The following PDE4D variants were observed in gnomAD, a reference collection of about 807,000 sequenced individuals.
The protein encoded by PDE4D is 3',5'-cyclic-AMP phosphodiesterase 4D.
A neutral mutation model predicts 87.4 loss-of-function variants in PDE4D; 24 were observed. The ratio of observed to expected loss-of-function variants is 0.27; its 90% confidence interval spans 0.20 to 0.39. PDE4D has a LOEUF of 0.39. Among genes scored for constraint, PDE4D ranks in the 10% least tolerant of loss-of-function variants. The pLI, the probability that PDE4D is intolerant of heterozygous loss-of-function variation, is 1.00. For synonymous variants in PDE4D, 384 were observed against 383.2 expected (o/e 1.00, Z -0.02); for missense variants, 714 against 1,041.0 (o/e 0.69, Z 4.32).
chr5:60,393,827 T>C (rs769172911), intron 1 of PDE4D, among the ~76,000 whole-genome samples: 1 of 152,206 alleles, frequency 6.6e-6, no homozygotes, highest in Non-Finnish European at 1.5e-5. Context: ...TTTGCCAACA[T>C]ACAATAGATT....
At chr5:60,381,755 T>C (rs1218450468) in intron 1 of PDE4D, among the ~76,000 whole-genome samples, 1 of 152,128 alleles carries the variant, frequency 6.6e-6, no homozygotes, top group African/African-American at 2.4e-5. Context: ...GAACATCCAA[T>C]GGGCAATAGA....
intron 5 of PDE4D, among the ~76,000 whole-genome samples, chr5:59,086,874 C>G (rs770613034): frequency 6.6e-6 from 1 of 152,042 alleles, no homozygotes; most frequent in Admixed American, 6.6e-5. Context: ...AGTTCAAGCC[C>G]TCTTTGTTTC....
At chr5:59,409,147 CAAA>C (rs34575207) in intron 1 of PDE4D, among the ~76,000 whole-genome samples, 2 of 116,536 alleles carry the variant, frequency 1.7e-5, no homozygotes, top group Non-Finnish European at 3.7e-5. Context: ...GACTCCATTT[CAAA>C]AAAAAAAAAA....
chr5:59,008,705 T>C (rs1752159476), intron 6 of PDE4D, among the ~76,000 whole-genome samples: 1 of 151,964 alleles, frequency 6.6e-6, no homozygotes, highest in Non-Finnish European at 1.5e-5. Context: ...CACAAAAGCA[T>C]GAAGCATAAA....
intron 1 of PDE4D, among the ~76,000 whole-genome samples, chr5:59,837,560 A>G (rs1742324794): frequency 6.6e-6 from 1 of 152,022 alleles, no homozygotes; most frequent in African/African-American, 2.4e-5. Flanking sequence ...GCCCAGAAAC[A>G]TTTTCTAAAA....
At chr5:60,324,311 T>G (rs1236143308) in intron 1 of PDE4D, among the ~76,000 whole-genome samples, 1 of 152,230 alleles carries the variant, frequency 6.6e-6, no homozygotes, top group Non-Finnish European at 1.5e-5. Context: ...ACACTGCACC[T>G]AACATCTGTC....
chr5:59,639,962 C>T (rs549551640), intron 1 of PDE4D, among the ~76,000 whole-genome samples: 81 of 150,764 alleles, frequency 5.4e-4, no homozygotes, highest in Admixed American at 5.3e-4. Context: ...CATTAATGCC[C>T]CAACCTTAAA....
chr5:59,847,541 A>T (rs904121101), intron 1 of PDE4D, among the ~76,000 whole-genome samples: 2 of 152,090 alleles, frequency 1.3e-5, no homozygotes, highest in African/African-American at 4.8e-5. Flanking sequence ...TACCAGTCAA[A>T]TTCTTCACGA....
chr5:60,060,407 A>G (rs1281225137), intron 2 of PDE4D, among the ~76,000 whole-genome samples: 1 of 152,084 alleles, frequency 6.6e-6, no homozygotes, highest in Admixed American at 6.6e-5. Context: ...AAGCAACTCC[A>G]TCTTCATTGT....
chr5:60,510,995 A>G (rs1394135450), intron 1 of PDE4D, among the ~76,000 whole-genome samples: 1 of 152,086 alleles, frequency 6.6e-6, no homozygotes, highest in Non-Finnish European at 1.5e-5. Flanking sequence ...TCTTTGAGAC[A>G]GTCTTGCACT....
At chr5:59,142,707 C>T (rs1040385953) in intron 5 of PDE4D, among the ~76,000 whole-genome samples, 4 of 152,160 alleles carry the variant, frequency 2.6e-5, no homozygotes, top group Admixed American at 2.0e-4. Context: ...GAGGCCCAGG[C>T]GGGCGGATCA....
intron 1 of PDE4D, among the ~76,000 whole-genome samples, chr5:60,340,079 C>A (rs1171263473): frequency 3.3e-5 from 5 of 152,192 alleles, no homozygotes; most frequent in Non-Finnish European, 7.3e-5. Context: ...GGCTTTGGAG[C>A]GCCTAAAAAC....
chr5:60,473,333 G>C (rs138125036), intron 1 of PDE4D, among the ~76,000 whole-genome samples: 1 of 152,038 alleles, frequency 6.6e-6, no homozygotes, highest in African/African-American at 2.4e-5. Flanking sequence ...TATATTTTGG[G>C]ACAACTGGTG....
intron 1 of PDE4D, among the ~76,000 whole-genome samples, chr5:60,212,907 T>C (rs1743413895): frequency 6.6e-6 from 1 of 152,196 alleles, no homozygotes; most frequent in South Asian, 2.1e-4. Context: ...TAAACTTTTG[T>C]TCTTCTTTGG....
chr5:60,315,626 C>T (rs960508477), intron 1 of PDE4D, among the ~76,000 whole-genome samples: 9 of 152,160 alleles, frequency 5.9e-5, no homozygotes, highest in Non-Finnish European at 1.2e-4. Context: ...TTAGGTCTAA[C>T]ATTTAAGTCT....
intron 6 of PDE4D, among the ~76,000 whole-genome samples, chr5:59,038,064 T>C (rs915956442): frequency 6.6e-6 from 1 of 152,206 alleles, no homozygotes; most frequent in African/African-American, 2.4e-5. Context: ...ACAATTCCAA[T>C]TATCTCCTTG....
chr5:59,814,538 C>T (rs541053017), intron 1 of PDE4D, among the ~76,000 whole-genome samples: 11 of 152,278 alleles, frequency 7.2e-5, no homozygotes, highest in African/African-American at 2.4e-4. Context: ...ATGACACCAA[C>T]AGAAGAAACC....
In PDE4D at chr5:60,473,124, A is replaced by AAAGGAAGGAAGG. The variant is rs562842272; in HGVS notation, c.-90+14806_-90+14817dup. On this transcript the variant is annotated intron_variant, in intron 1 of 16. Transcript: ENST00000502484. Reference sequence around the variant, plus strand: ...AAGAAAGAAAGAGAGAGAGAGAAAGAAAGGAAGGAAGGAAGGAAGGAAGGA... The same window carrying AAAGGAAGGAAGG: ...AAGAAAGAAAGAGAGAGAGAGAAAGAAAGGAAGGAAGGAAGGAAGGAAGGAAGGAAGGAAGGA... Among the ~76,000 whole-genome samples, 259 of 81,384 alleles carry AAAGGAAGGAAGG rather than the reference A, an allele frequency of 3.2e-3. 1 individual carries two copies. Among genetic ancestry groups the AAAGGAAGGAAGG allele is most frequent in the Middle Eastern group, 0.011 (2 of 180 alleles). 53.4% of individuals were successfully genotyped at this position (81,384 alleles called of 152,430 possible). A position where few individuals can be genotyped will look rare whatever the true frequency, so the allele number is the denominator to read the frequency against.
intron 3 of PDE4D, among the ~76,000 whole-genome samples, chr5:59,922,996 C>G (rs578151784): frequency 6.6e-6 from 1 of 152,192 alleles, no homozygotes; most frequent in South Asian, 2.1e-4. Flanking sequence ...GGGAGAATCT[C>G]AGGCCTGGTT....
Sources: allele counts gnomAD v4.1 joint callset (sites outside exome capture counted in the v4.1 genomes callset), GRCh38; gene constraint gnomAD v4.1.1; transcripts MANE v1.5; gene names NCBI Gene and HGNC (gene_info 2026-07-23, HGNC 2026-07-21).